Variants in GRID1 observed in about 807,000 individuals in gnomAD.
GRID1 encodes the protein glutamate ionotropic receptor delta type subunit 1, also known as glutamate receptor ionotropic, delta-1.
Under a neutral mutation model 98.0 loss-of-function variants are expected in GRID1, and 28 were observed. The observed-to-expected ratio is 0.29, with a 90% confidence interval of 0.21 to 0.39. The LOEUF (loss-of-function observed/expected upper bound fraction) is 0.39. Ranked by LOEUF, GRID1 falls within the 10% of genes least tolerant of loss-of-function variation. The pLI, the probability that GRID1 is intolerant of heterozygous loss-of-function variation, is 1.00. For missense variants in GRID1, 1,111 were observed against 1,340.5 expected, an observed-to-expected ratio of 0.83 and a Z score of 2.67; for synonymous variants, 553 against 538.5, an observed-to-expected ratio of 1.03 and a Z score of -0.37.
intron 4 of GRID1, among the ~76,000 whole-genome samples, chr10:86,105,487 C>T (rs1249984288): frequency 6.6e-6 from 1 of 152,252 alleles, no homozygotes; most frequent in Admixed American, 6.5e-5. Context: ...TCCTGTGGCT[C>T]TCACACAATT....
intron 4 of GRID1, among the ~76,000 whole-genome samples, chr10:86,108,035 T>C (rs961916880): frequency 7.9e-5 from 12 of 152,194 alleles, no homozygotes; most frequent in Non-Finnish European, 1.3e-4. Context: ...GAGGGTCTAA[T>C]TGAGCTGGTT....
intron 2 of GRID1, among the ~76,000 whole-genome samples, chr10:86,218,021 A>G (rs1226333552): frequency 1.3e-5 from 2 of 152,176 alleles, no homozygotes; most frequent in African/African-American, 4.8e-5. Flanking sequence ...CATCCCTCCC[A>G]GATGGAGAAC....
At chr10:86,055,813 TTCTC>T (rs141146400) in intron 4 of GRID1, among the ~76,000 whole-genome samples, 23 of 147,248 alleles carry the variant, frequency 1.6e-4, no homozygotes, top group Middle Eastern at 6.9e-3. Flanking sequence ...TGTGCTCTCA[TTCTC>T]TCTCTCTCTC....
At position 85,602,634 on chromosome 10, in the gene GRID1, T is replaced by C. The variant is rs536063223; in HGVS notation, c.2669A>G (p.His890Arg). ...MNSLMDEDIA[H>R]KQISPASIEL... ...AATCGACGCTGGGGAAATCTGCTTG[T>C]GAGCAATGTCTTCATCCATGAGGCT... Residue 890 changes from histidine to arginine, a missense_variant, in exon 16 of 16, where the codon CAC (histidine) becomes CGC (arginine). His to Arg is a conservative substitution (Grantham distance 29, BLOSUM62 0). Coordinates refer to ENST00000327946, the MANE Select transcript of GRID1 (RefSeq NM_017551.3). 1.2e-6 allele frequency: 2 copies of C among 1,613,904 alleles called. No homozygotes were observed. Among genetic ancestry groups the C allele is most frequent in the South Asian group, 2.2e-5 (2 of 91,032 alleles).
In GRID1 at chr10:85,773,090, C is replaced by T. The variant is rs1460828351; in HGVS notation, c.1234-43476G>A. Among the ~76,000 whole-genome samples, 5 of 152,180 alleles carry T rather than the reference C, an allele frequency of 3.3e-5. No homozygotes were observed. The East Asian group carries it at 9.6e-4, about 29-fold the overall frequency. ...AAATCCTCAATAAAATACTGGCAAA[C>T]CGAATCCAGCAGCACATCAAAAACC... On this transcript the variant is annotated intron_variant, in intron 8 of 15. Transcript: ENST00000327946.
intron 10 of GRID1, among the ~76,000 whole-genome samples, chr10:85,726,996 G>T (rs552763737): frequency 3.3e-5 from 5 of 152,314 alleles, no homozygotes; most frequent in African/African-American, 1.2e-4. Context: ...TGCCTTTACA[G>T]ATTTAAAAAG....
intron 8 of GRID1, among the ~76,000 whole-genome samples, chr10:85,835,520 G>A (rs181340183): frequency 3.9e-5 from 6 of 152,314 alleles, no homozygotes; most frequent in Admixed American, 6.5e-5. Context: ...CAGGTAAGAC[G>A]TGATATTGCT....
chr10:86,025,273 A>G (rs568297620), intron 4 of GRID1, among the ~76,000 whole-genome samples: 3 of 152,326 alleles, frequency 2.0e-5, no homozygotes, highest in African/African-American at 7.2e-5. Context: ...ACTAGGTAAT[A>G]TAATGCATGT....
Position 85,603,628 on chromosome 10 carries a change from T to A in GRID1, c.2602-927A>T, listed in dbSNP as rs2664398. ...GCCTGAAAGCTCAAGGAAGACGTCA[T>A]CTCCTTCCTTGGCTTCCCCGCTGTG... is the stretch of plus-strand genomic sequence containing the variant. On this transcript the variant is annotated intron_variant, in intron 15 of 15. Transcript: ENST00000327946. Among the ~76,000 whole-genome samples, 423 of 152,350 alleles carry A rather than the reference T, an allele frequency of 2.8e-3. 1 individual carries two copies. The highest frequency in any genetic ancestry group is 4.6e-3 in the Non-Finnish European group (316 of 68,036).
At chr10:85,643,279 G>C (rs1217392269) in intron 13 of GRID1, among the ~76,000 whole-genome samples, 1 of 152,100 alleles carries the variant, frequency 6.6e-6, no homozygotes, top group East Asian at 1.9e-4. Flanking sequence ...CCTTTGCCAG[G>C]CTGCCTACAC....
At chr10:86,266,712 G>T (rs1847110003) in intron 2 of GRID1, among the ~76,000 whole-genome samples, 1 of 152,216 alleles carries the variant, frequency 6.6e-6, no homozygotes. Flanking sequence ...CTCCATGGTG[G>T]CCTCTACACC....
intron 4 of GRID1, among the ~76,000 whole-genome samples, chr10:86,004,682 C>T (rs917111928): frequency 3.3e-5 from 5 of 151,862 alleles, no homozygotes; most frequent in African/African-American, 4.8e-5. Context: ...TTGTGTGAGC[C>T]GATTCCTTAA....
intron 3 of GRID1, among the ~76,000 whole-genome samples, chr10:86,185,504 C>T (rs1845715016): frequency 1.3e-5 from 2 of 152,240 alleles, no homozygotes; most frequent in South Asian, 4.1e-4. Context: ...TCAGCTACAG[C>T]ACTGAATAGA....
At chr10:86,259,192 C>T (rs1947567) in intron 2 of GRID1, among the ~76,000 whole-genome samples, 117,745 of 152,266 alleles carry the variant, frequency 0.77, 46,389 homozygotes, top group Non-Finnish European at 0.83. Flanking sequence ...TTTCCTTTGA[C>T]GACCCAGCCC....
In GRID1 at chr10:86,366,209, C is replaced by A; in HGVS notation, c.79+105G>T. The stretch of plus-strand genomic sequence containing the variant: ...GCGCGGCCCTTCGGGGGAGCACCGC[C>A]CGCCGAGCCCCTCGGCCCAGGGAAA... On this transcript the variant is annotated intron_variant, in intron 1 of 15. Coordinates refer to ENST00000327946, the MANE Select transcript of GRID1 (RefSeq NM_017551.3). This position sits in a 1 kb window ranked among gnomAD's most constrained non-coding sequence, Gnocchi z 4.1. The A allele has an allele frequency of 1.5e-6, 1 of 680,226 alleles. No individual in the cohort carries two copies. The highest frequency in any genetic ancestry group is 4.0e-5 in the East Asian group (1 of 25,216). The allele number at this position is 680,226 out of a possible 1,614,324, so 42.1% of individuals were successfully genotyped here.
intron 4 of GRID1, among the ~76,000 whole-genome samples, chr10:86,044,759 C>T (rs1283028845): frequency 6.6e-6 from 1 of 152,204 alleles, no homozygotes; most frequent in Non-Finnish European, 1.5e-5. Flanking sequence ...ACACTTTTCT[C>T]TGCTAGAGGA....
intron 12 of GRID1, chr10:85,647,933 A>C (rs1319413064): frequency 6.5e-6 from 1 of 152,958 alleles, no homozygotes; most frequent in African/African-American, 2.4e-5. Flanking sequence ...CTCAGGGTAA[A>C]TTAAGAGGCA....
At chr10:86,032,398 G>A (rs1843199651) in intron 4 of GRID1, among the ~76,000 whole-genome samples, 1 of 152,164 alleles carries the variant, frequency 6.6e-6, no homozygotes, top group Non-Finnish European at 1.5e-5. Flanking sequence ...GGGAAGTGTG[G>A]GGAAAGGAAA....
chr10:85,601,969 G>C lies in GRID1; in HGVS notation c.*304C>G, dbSNP rs780659767. 3.5e-6 allele frequency: 1 copy of C among 287,388 alleles called. No homozygotes were observed. Among genetic ancestry groups the C allele is most frequent in the Non-Finnish European group, 6.5e-6 (1 of 154,252 alleles). 17.8% of individuals were successfully genotyped at this position (287,388 alleles called of 1,614,324 possible). On this transcript the variant is annotated 3_prime_UTR_variant, in exon 16 of 16. Transcript: ENST00000327946. ...CTCAGAAAGGCCCAGGAATGGGGGGGCTCCTTTGGCACTTCAGAATGATCA... is the reference window on the plus strand; with the variant it reads ...CTCAGAAAGGCCCAGGAATGGGGGGCCTCCTTTGGCACTTCAGAATGATCA...
Sources: allele counts gnomAD v4.1 joint callset (sites outside exome capture counted in the v4.1 genomes callset), GRCh38; gene constraint gnomAD v4.1.1; non-coding constraint Gnocchi (gnomAD v3.1); transcripts MANE v1.5; gene names NCBI Gene and HGNC (gene_info 2026-07-23, HGNC 2026-07-21).